Variants in PDE3B observed in about 807,000 individuals in gnomAD.
PDE3B encodes phosphodiesterase 3B.
In PDE3B, 66 loss-of-function variants were observed where a neutral mutation model predicts 116.8. That is an observed-to-expected ratio of 0.56 (90% confidence interval 0.46 to 0.69). PDE3B has a LOEUF of 0.69. PDE3B is among the 30% of genes least tolerant of loss of function. The pLI is 0.00. For missense variants in PDE3B, 1,384 were observed against 1,368.1 expected (o/e 1.01, Z -0.18); for synonymous variants, 595 against 533.6 (o/e 1.12, Z -1.59).
chr11:14,793,969 T>A (rs1858469628), intron 4 of PDE3B, among the ~76,000 whole-genome samples: 1 of 152,208 alleles, frequency 6.6e-6, no homozygotes, highest in Non-Finnish European at 1.5e-5. Context: ...AATTTAGACA[T>A]CTACAGTTAT....
At chr11:14,754,026 A>C (rs934187620) in intron 1 of PDE3B, among the ~76,000 whole-genome samples, 16 of 151,896 alleles carry the variant, frequency 1.1e-4, no homozygotes, top group African/African-American at 3.9e-4. Context: ...AATAACATAC[A>C]ACATTTTTTA....
At chr11:14,843,690 G>C in intron 11 of PDE3B, 137 bp from the exon 12 acceptor site, 1 of 667,404 alleles carries the variant, frequency 1.5e-6, no homozygotes, top group Non-Finnish European at 2.6e-6. Flanking sequence ...ACTCTTTTAA[G>C]TTCATAGATT....
chr11:14,749,212 A>G (rs920713612), intron 1 of PDE3B, among the ~76,000 whole-genome samples: 1 of 152,056 alleles, frequency 6.6e-6, no homozygotes, highest in African/African-American at 2.4e-5. Flanking sequence ...TTTTTGTATA[A>G]AACTTTTTTT....
At chr11:14,662,323 A>C in intron 1 of PDE3B, among the ~76,000 whole-genome samples, 1 of 152,222 alleles carries the variant, frequency 6.6e-6, no homozygotes, top group East Asian at 1.9e-4. Flanking sequence ...ACCATCATCA[A>C]AGACCAGAAG....
rs375045864 is a variant in PDE3B at position 14,664,509 on chromosome 11, T to G, written c.978+19456T>G. ...TTTTTGAAAGGATCAAGAAAATTGATAGACCGCTAACAAGACTAATAAAGA... is the reference window on the plus strand; with the variant it reads ...TTTTTGAAAGGATCAAGAAAATTGAGAGACCGCTAACAAGACTAATAAAGA... On this transcript the variant is annotated intron_variant, in intron 1 of 15. Coordinates refer to ENST00000282096, the MANE Select transcript of PDE3B (RefSeq NM_000922.4). Among the ~76,000 whole-genome samples, 11 of 148,192 alleles carry G rather than the reference T, an allele frequency of 7.4e-5. No individual in the cohort carries two copies. In the East Asian group the frequency reaches 1.8e-3, roughly 24 times the overall value.
Position 14,863,601 on chromosome 11 carries a change from ATC to A in PDE3B, c.2886+2241_2886+2242del, listed in dbSNP as rs550785714. ...GGGAAGCCCATCAGACTACCAGTGG[ATC>A]TCTCTGCAGAAACCCTACAAGCCAG... On this transcript the variant is annotated intron_variant, in intron 14 of 15. Coordinates refer to ENST00000282096, the MANE Select transcript of PDE3B (RefSeq NM_000922.4). Among the ~76,000 whole-genome samples the A allele has an allele frequency of 1.9e-3, 294 of 152,294 alleles. 2 individuals carry two copies. The highest frequency in any genetic ancestry group is 7.3e-3 in the South Asian group (35 of 4,820).
Position 14,849,989 on chromosome 11 carries a change from TATATACCCA to T in PDE3B, c.2520+5965_2520+5973del, listed in dbSNP as rs367716995. Among the ~76,000 whole-genome samples the T allele has an allele frequency of 3.9e-4, 60 of 152,220 alleles. 1 individual carries two copies. In the East Asian group the frequency reaches 0.01, roughly 26 times the overall value. On this transcript the variant is annotated intron_variant, in intron 12 of 15. Coordinates refer to ENST00000282096, the MANE Select transcript of PDE3B (RefSeq NM_000922.4). ...TTGACCTAGCCATCCCATTACTGGG[TATATACCCA>T]AAGGACTATAAATCATGCTGCTATA...
intron 1 of PDE3B, among the ~76,000 whole-genome samples, chr11:14,739,714 A>G (rs1176989642): frequency 2.6e-5 from 4 of 152,140 alleles, no homozygotes; most frequent in African/African-American, 9.7e-5. Flanking sequence ...GTTTTTGCCC[A>G]TTCAGTATGA....
rs1286386823 is a variant in PDE3B at position 14,644,740 on chromosome 11, T to C, written c.665T>C (p.Val222Ala). Residue 222 changes from valine (V) to alanine (A), a missense_variant, in exon 1 of 16, where the codon GTG becomes GCG. Around this residue, in one of 2 missense-constraint regions of PDE3B, gnomAD observed 956 missense variants for 806.8 expected, o/e 1.18. Coordinates refer to ENST00000282096, the MANE Select transcript of PDE3B (RefSeq NM_000922.4). ...HPLRLRHCVLVLLLASFVWWV... is the reference protein window; with the variant it reads ...HPLRLRHCVLALLLASFVWWV... ...CTGCGGCTCCGGCACTGCGTTCTGG[T>C]GCTGCTCCTGGCCAGCTTCGTCTGG... 3.2e-6 allele frequency: 5 copies of C among 1,577,846 alleles called. No individual in the cohort carries two copies. Among genetic ancestry groups the C allele is most frequent in the Middle Eastern group, 1.7e-4 (1 of 5,926 alleles).
chr11:14,696,754 A>C (rs1327952653), intron 1 of PDE3B, among the ~76,000 whole-genome samples: 1 of 152,040 alleles, frequency 6.6e-6, no homozygotes, highest in Non-Finnish European at 1.5e-5. Context: ...TCTGTGGCTT[A>C]TCTCTTACTG....
In PDE3B at chr11:14,831,650, A is replaced by T. The variant is rs1190842425; in HGVS notation, c.1967A>T (p.Glu656Val). 6.3e-7 allele frequency: 1 copy of T among 1,579,020 alleles called. No homozygotes were observed. The highest frequency in any genetic ancestry group is 8.6e-7 in the Non-Finnish European group (1 of 1,159,418). ...TCCCTGTATGTACAGATTGAACAGG[A>T]AGTATCACTGGACCTGATTTTAGTA... is the stretch of plus-strand genomic sequence containing the variant. ...QSEQQTNIEQ[E>V]VSLDLILVEE... The change falls in exon 9 of 16, where the codon GAA (glutamate) becomes GTA (valine). Residue 656 changes from glutamate (E) to valine (V), a missense_variant. By Grantham distance (121) the Glu-to-Val change is moderately radical (BLOSUM62 -2). Coordinates refer to ENST00000282096, the MANE Select transcript of PDE3B (RefSeq NM_000922.4).
At chr11:14,775,493 T>C (rs1340757733) in intron 2 of PDE3B, 1 of 152,182 alleles carries the variant, frequency 6.6e-6, no homozygotes, top group Admixed American at 6.5e-5. Context: ...AATGGAAGGT[T>C]TCTATATCTC....
chr11:14,880,472 C>CAG, the PDE3B span: 1 of 1,613,452 alleles, frequency 6.2e-7, no homozygotes, highest in African/African-American at 1.3e-5. Context: ...GAGGCACTGG[C>CAG]AGCTAGTTCC....
chr11:14,696,219 G>T (rs554946800), intron 1 of PDE3B, among the ~76,000 whole-genome samples: 12 of 152,216 alleles, frequency 7.9e-5, no homozygotes, highest in African/African-American at 1.2e-4. Context: ...GCGTGAGATG[G>T]TATCTCATTG....
At chr11:14,665,359 A>G (rs912244022) in intron 1 of PDE3B, among the ~76,000 whole-genome samples, 3 of 152,214 alleles carry the variant, frequency 2.0e-5, no homozygotes, top group Non-Finnish European at 4.4e-5. Context: ...AACTGGCACA[A>G]GACAGGGATG....
chr11:14,852,996 A>T (rs1399864976), intron 12 of PDE3B, among the ~76,000 whole-genome samples: 9 of 151,412 alleles, frequency 5.9e-5, no homozygotes, highest in Admixed American at 5.3e-4. Context: ...TATTGGTCCC[A>T]TTAAGTCTCT....
At chr11:14,761,134 G>A (rs1246162482) in intron 1 of PDE3B, among the ~76,000 whole-genome samples, 1 of 151,874 alleles carries the variant, frequency 6.6e-6, no homozygotes, top group African/African-American at 2.4e-5. Flanking sequence ...AACGAGCAGC[G>A]CTATTAATAT....
chr11:14,747,816 G>A (rs544791220), intron 1 of PDE3B, among the ~76,000 whole-genome samples: 1 of 151,916 alleles, frequency 6.6e-6, no homozygotes, highest in African/African-American at 2.4e-5. Context: ...TTTTATAAAC[G>A]CATGTAATAT....
At chr11:14,854,598 A>C (rs1480850234) in intron 12 of PDE3B, among the ~76,000 whole-genome samples, 1 of 151,892 alleles carries the variant, frequency 6.6e-6, no homozygotes, top group African/African-American at 2.4e-5. Flanking sequence ...GCTCACTGCA[A>C]CCTCTGCCTC....
Sources: gnomAD v4.1 joint callset for allele counts (sites outside exome capture counted in the v4.1 genomes callset) on GRCh38, gnomAD v4.1.1 for gene constraint, gnomAD v4.1.1 regional missense constraint, MANE v1.5 for transcripts, NCBI Gene and HGNC (gene_info 2026-07-23, HGNC 2026-07-21) for gene names.